The following HCN1 variants were observed in gnomAD, a reference collection of about 807,000 sequenced individuals.
HCN1 encodes potassium/sodium hyperpolarization-activated cyclic nucleotide-gated channel 1.
Under a neutral mutation model 78.9 loss-of-function variants are expected in HCN1, and 13 were observed. The ratio of observed to expected loss-of-function variants is 0.16; its 90% confidence interval spans 0.11 to 0.26. The LOEUF (loss-of-function observed/expected upper bound fraction) is 0.26. Ranked by LOEUF, HCN1 falls within the 10% of genes least tolerant of loss-of-function variation. The pLI is 1.00. For synonymous variants in HCN1, 552 were observed against 455.5 expected (o/e 1.21, Z -2.70); for missense variants, 810 against 1,154.3 (o/e 0.70, Z 4.32).
At chr5:45,433,482 G>T (rs1740504008) in intron 3 of HCN1, among the ~76,000 whole-genome samples, 2 of 151,636 alleles carry the variant, frequency 1.3e-5, no homozygotes, top group South Asian at 4.2e-4. Context: ...CACACGAGAT[G>T]GGTCTCCTGA....
Position 45,261,834 on chromosome 5 carries a change from G to A in HCN1, c.*87C>T, listed in dbSNP as rs1744740163. Reference sequence around the variant, plus strand: ...ATATCTCTTCATAGTAGGCTAGAGGGATCTATCAGGAGATAGAATAAAATA... The same window carrying A: ...ATATCTCTTCATAGTAGGCTAGAGGAATCTATCAGGAGATAGAATAAAATA... On this transcript the variant is annotated 3_prime_UTR_variant, in exon 8 of 8. Coordinates refer to ENST00000303230, the MANE Select transcript of HCN1 (RefSeq NM_021072.4). The A allele has an allele frequency of 6.8e-7, 1 of 1,461,992 alleles. No individual in the cohort carries two copies. Among genetic ancestry groups the A allele is most frequent in the Non-Finnish European group, 9.5e-7 (1 of 1,047,554 alleles). 90.6% of individuals were successfully genotyped at this position (1,461,992 alleles called of 1,614,324 possible).
intron 2 of HCN1, among the ~76,000 whole-genome samples, chr5:45,497,172 T>C (rs1742056113): frequency 6.6e-6 from 1 of 152,190 alleles, no homozygotes; most frequent in Non-Finnish European, 1.5e-5. Context: ...AAAAAATGTA[T>C]ATTCTGTTGA....
At chr5:45,408,089 G>A (rs1396191751) in intron 3 of HCN1, among the ~76,000 whole-genome samples, 2 of 152,034 alleles carry the variant, frequency 1.3e-5, no homozygotes, top group East Asian at 1.9e-4. Flanking sequence ...TAAGCTAAGT[G>A]TTACTACAAA....
chr5:45,497,918 C>A (rs1384692309), intron 2 of HCN1, among the ~76,000 whole-genome samples: 1 of 152,176 alleles, frequency 6.6e-6, no homozygotes, highest in African/African-American at 2.4e-5. Context: ...TTGGCCCCCA[C>A]TCTCTTCTGG....
intron 4 of HCN1, among the ~76,000 whole-genome samples, chr5:45,387,484 A>T (rs1311351157): frequency 6.6e-6 from 1 of 152,050 alleles, no homozygotes; most frequent in Non-Finnish European, 1.5e-5. Context: ...AATAACAGTG[A>T]TATCTTTGTT....
chr5:45,588,692 T>C (rs1230745300), intron 2 of HCN1, among the ~76,000 whole-genome samples: 2 of 152,178 alleles, frequency 1.3e-5, no homozygotes, highest in African/African-American at 4.8e-5. Flanking sequence ...CCAGGAGGAC[T>C]TCACCGACTA....
At chr5:45,376,050 T>C (rs1487465372) in intron 4 of HCN1, among the ~76,000 whole-genome samples, 3 of 112,920 alleles carry the variant, frequency 2.7e-5, no homozygotes, top group African/African-American at 1.1e-4. Flanking sequence ...TTATAATATA[T>C]ATTATATACA....
intron 5 of HCN1, among the ~76,000 whole-genome samples, chr5:45,327,347 G>T (rs539273691): frequency 2.0e-5 from 3 of 151,774 alleles, no homozygotes; most frequent in African/African-American, 7.2e-5. Flanking sequence ...TTAATTCTGT[G>T]AGAAAATGAC....
At chr5:45,432,693 A>G (rs1048696257) in intron 3 of HCN1, among the ~76,000 whole-genome samples, 1 of 152,140 alleles carries the variant, frequency 6.6e-6, no homozygotes, top group Non-Finnish European at 1.5e-5. Context: ...TTTCATATGA[A>G]GAGATGTTGA....
At chr5:45,350,914 T>C (rs1216306855) in intron 5 of HCN1, among the ~76,000 whole-genome samples, 3 of 152,158 alleles carry the variant, frequency 2.0e-5, no homozygotes, top group Non-Finnish European at 2.9e-5. Context: ...TGCTCATGGG[T>C]AGGAAGAATC....
chr5:45,559,183 G>A (rs769538708), intron 2 of HCN1: 1 of 151,858 alleles, frequency 6.6e-6, no homozygotes, highest in Non-Finnish European at 1.5e-5. Context: ...ACATCTAGTC[G>A]CCCAAGAGCT....
intron 4 of HCN1, 152 bp from the exon 5 acceptor site, chr5:45,353,398 C>G (rs538738479): frequency 4.8e-6 from 3 of 622,272 alleles, no homozygotes; most frequent in Non-Finnish European, 8.5e-6. Flanking sequence ...TTACCTGGGT[C>G]TAATGTACCT....
At chr5:45,348,485 C>T (rs1275724637) in intron 5 of HCN1, among the ~76,000 whole-genome samples, 4 of 152,158 alleles carry the variant, frequency 2.6e-5, no homozygotes, top group Non-Finnish European at 5.9e-5. Context: ...CAGCTAACAT[C>T]ATAATGACAG....
chr5:45,486,613 A>G (rs1741768853), intron 2 of HCN1, among the ~76,000 whole-genome samples: 1 of 152,146 alleles, frequency 6.6e-6, no homozygotes, highest in Non-Finnish European at 1.5e-5. Flanking sequence ...GTTTCAAAAT[A>G]AATTTTAAAG....
At chr5:45,307,042 G>C (rs1259383766) in intron 5 of HCN1, among the ~76,000 whole-genome samples, 1 of 151,934 alleles carries the variant, frequency 6.6e-6, no homozygotes, top group Admixed American at 6.6e-5. Flanking sequence ...AAATGAAACA[G>C]AACAAGAACC....
intron 6 of HCN1, among the ~76,000 whole-genome samples, chr5:45,283,797 A>T (rs1355719658): frequency 6.6e-6 from 1 of 152,170 alleles, no homozygotes; most frequent in Non-Finnish European, 1.5e-5. Context: ...CCGCATATAC[A>T]CCAAGAGGAA....
chr5:45,506,524 A>G (rs1056910222), intron 2 of HCN1, among the ~76,000 whole-genome samples: 3 of 152,146 alleles, frequency 2.0e-5, no homozygotes, highest in African/African-American at 7.2e-5. Flanking sequence ...TAAAAAATTT[A>G]AAAATGCAAA....
chr5:45,624,312 T>A (rs1317759891), intron 2 of HCN1, among the ~76,000 whole-genome samples: 1 of 152,190 alleles, frequency 6.6e-6, no homozygotes, highest in Non-Finnish European at 1.5e-5. Flanking sequence ...TTATGGTGGC[T>A]CCATACAATA....
chr5:45,599,637 A>G (rs1744582854), intron 2 of HCN1, among the ~76,000 whole-genome samples: 1 of 152,164 alleles, frequency 6.6e-6, no homozygotes, highest in Non-Finnish European at 1.5e-5. Flanking sequence ...TAAAACAGTT[A>G]AAAGTTCTGT....
Sources: gnomAD v4.1 joint callset for allele counts (sites outside exome capture counted in the v4.1 genomes callset) on GRCh38, gnomAD v4.1.1 for gene constraint, MANE v1.5 for transcripts, NCBI Gene and HGNC (gene_info 2026-07-23, HGNC 2026-07-21) for gene names.